MILR1: variants seen among roughly 807,000 people sequenced by gnomAD.
The protein encoded by MILR1 is allergin-1.
MILR1 carries 31 observed loss-of-function variants against 18.5 expected under a neutral mutation model. That is an observed-to-expected ratio of 1.68 (90% CI 1.26 to 2.26). The LOEUF is 2.26. Ranked by LOEUF, MILR1 falls within the 30% of genes most tolerant of loss-of-function variation. The probability of loss-of-function intolerance (pLI) is 0.00; values close to 1 mark genes in which losing one functional copy is unlikely to be tolerated. For missense variants in MILR1, 257 were observed against 157.4 expected, an observed-to-expected ratio of 1.63 and a Z score of -3.38; for synonymous variants, 85 against 56.2, an observed-to-expected ratio of 1.51 and a Z score of -2.30.
chr17:64,488,345 T>C, the MILR1 span, among the ~76,000 whole-genome samples: 1 of 152,106 alleles, frequency 6.6e-6, no homozygotes, highest in African/African-American at 2.4e-5. Context: ...AAAGGAACAA[T>C]GTCATGGAAG....
At chr17:64,451,776 T>C (rs2144001131) in intron 2 of MILR1, among the ~76,000 whole-genome samples, 1 of 151,864 alleles carries the variant, frequency 6.6e-6, no homozygotes, top group African/African-American at 2.4e-5. Flanking sequence ...CTACCAAAAC[T>C]ACAAAAATTA....
chr17:64,485,693 G>T, the MILR1 span: 1 of 1,566,336 alleles, frequency 6.4e-7, no homozygotes, highest in Admixed American at 1.7e-5. Flanking sequence ...CATATTTTTA[G>T]TTTCCCAAGT....
the MILR1 span, chr17:64,493,156 G>T: frequency 1.0e-6 from 1 of 967,592 alleles, no homozygotes; most frequent in Non-Finnish European, 1.6e-6. Context: ...GGTGGCTCAC[G>T]CCTATAATCC....
downstream of MILR1, among the ~76,000 whole-genome samples, chr17:64,468,928 T>C (rs1380984894): frequency 1.3e-5 from 2 of 151,666 alleles, no homozygotes; most frequent in African/African-American, 2.4e-5. Context: ...GTACTAAAAA[T>C]ACAAAAAAAT....
the MILR1 span, chr17:64,492,858 T>C: frequency 1.9e-6 from 3 of 1,612,822 alleles, no homozygotes; most frequent in Admixed American, 1.7e-5. Context: ...TTTTGACTAT[T>C]TAAATACAAG....
intron 6 of MILR1, 75 bp from the exon 7 acceptor site, chr17:64,466,367 A>G (rs2037559845): frequency 1.9e-5 from 24 of 1,284,402 alleles, no homozygotes; most frequent in Non-Finnish European, 2.7e-5. Flanking sequence ...TTCCAGACGC[A>G]TTGCTGAGCA....
chr17:64,455,821 C>T (rs9891260), intron 3 of MILR1, among the ~76,000 whole-genome samples: 7,018 of 151,800 alleles, frequency 0.046, 574 homozygotes, highest in African/African-American at 0.16. Flanking sequence ...GGGCAGATCA[C>T]TTGAGGTCAG....
intron 5 of MILR1, among the ~76,000 whole-genome samples, chr17:64,462,084 T>A (rs1273666150): frequency 1.3e-5 from 2 of 152,304 alleles, no homozygotes; most frequent in African/African-American, 4.8e-5. Flanking sequence ...GTGAAATTAT[T>A]AATGTTTTTA....
chr17:64,455,256 A>C (rs1195497182), intron 3 of MILR1, among the ~76,000 whole-genome samples: 1 of 152,132 alleles, frequency 6.6e-6, no homozygotes, highest in Admixed American at 6.5e-5. Context: ...TCTGGTAATA[A>C]AACTATCTTG....
the MILR1 span, chr17:64,492,959 C>A: frequency 5.6e-6 from 9 of 1,613,876 alleles, no homozygotes; most frequent in Non-Finnish European, 7.6e-6. Context: ...CCAATCTGAG[C>A]AAGGCCATAA....
intron 6 of MILR1, among the ~76,000 whole-genome samples, chr17:64,465,876 G>A (rs2037545775): frequency 6.6e-6 from 1 of 151,806 alleles, no homozygotes; most frequent in Non-Finnish European, 1.5e-5. Flanking sequence ...AGTCTTTCAC[G>A]GTCACCTCTC....
Position 64,460,919 on chromosome 17 carries a change from C to G in MILR1, c.750C>G (p.Pro250=), listed in dbSNP as rs2037417077. The change falls in exon 5 of 10, where the codon CCC becomes CCG. Residue 250 remains proline, a synonymous_variant. Coordinates refer to ENST00000619286, the MANE Select transcript of MILR1 (RefSeq NM_001085423.2). The part of the protein sequence containing the change: ...IILILAFWVL[P]KYKTRKAMRN... ...TAATTCTGGCTTTTTGGGTACTGCC[C>G]AAATACAAAACAAGTAAGTTCTTTT... The G allele has an allele frequency of 2.1e-6, 1 of 474,648 alleles. No individual in the cohort carries two copies. Among genetic ancestry groups the G allele is most frequent in the Non-Finnish European group, 3.9e-6 (1 of 258,706 alleles). 29.4% of individuals were successfully genotyped at this position (474,648 alleles called of 1,614,324 possible).
the MILR1 span, chr17:64,496,967 A>C: frequency 1.2e-6 from 2 of 1,604,364 alleles, no homozygotes; most frequent in African/African-American, 1.3e-5. Flanking sequence ...ACGAGAGCGC[A>C]TCTCTCTCCG....
chr17:64,496,600 C>T, the MILR1 span: 1 of 1,613,698 alleles, frequency 6.2e-7, no homozygotes, highest in Non-Finnish European at 8.5e-7. Context: ...GGAATACCTG[C>T]TCCCTGAACA....
the MILR1 span, chr17:64,491,717 A>G: frequency 3.3e-6 from 3 of 914,300 alleles, no homozygotes; most frequent in African/African-American, 1.7e-5. Flanking sequence ...TGGTGCTGGC[A>G]GGGTACATGC....
chr17:64,496,988 GCA>G, the MILR1 span: 5 of 1,595,192 alleles, frequency 3.1e-6, no homozygotes, highest in Non-Finnish European at 4.3e-6. Flanking sequence ...AAGTTAAAGA[GCA>G]CACTCTCCCA....
At chr17:64,486,665 C>T in the MILR1 span, among the ~76,000 whole-genome samples, 38 of 151,850 alleles carry the variant, frequency 2.5e-4, 2 homozygotes, top group Middle Eastern at 3.4e-3. Flanking sequence ...CGCCCTACCT[C>T]GAAAGGTAAC....
the MILR1 span, among the ~76,000 whole-genome samples, chr17:64,488,103 C>T: frequency 6.6e-6 from 1 of 152,136 alleles, no homozygotes; most frequent in African/African-American, 2.4e-5. Context: ...GTGGTTTACG[C>T]CTATAATCCC....
the MILR1 span, chr17:64,485,725 C>T: frequency 1.2e-6 from 2 of 1,610,258 alleles, no homozygotes; most frequent in Admixed American, 3.3e-5. Flanking sequence ...ATATCAACAG[C>T]ACCTTTCTAT....
Sources: allele counts gnomAD v4.1 joint callset (sites outside exome capture counted in the v4.1 genomes callset), GRCh38; gene constraint gnomAD v4.1.1; transcripts MANE v1.5; gene names NCBI Gene and HGNC (gene_info 2026-07-23, HGNC 2026-07-21).